The following STK32C variants were observed in gnomAD, a reference collection of about 807,000 sequenced individuals.
STK32C encodes the protein serine/threonine kinase 32C.
In STK32C, 31 loss-of-function variants were observed where a neutral mutation model predicts 56.5. The ratio of observed to expected loss-of-function variants is 0.55; its 90% CI spans 0.41 to 0.74. The LOEUF (loss-of-function observed/expected upper bound fraction) is 0.74, where lower values mean the gene tolerates loss of function less well. Among genes scored for constraint, STK32C ranks in the 30% least tolerant of loss-of-function variants. STK32C has a pLI of 0.00. For missense variants in STK32C, 544 were observed against 676.9 expected (o/e 0.80, Z 2.18); for synonymous variants, 309 against 289.4 (o/e 1.07, Z -0.69).
chr10:132,208,827 C>T (rs758136413), intron 11 of STK32C, among the ~76,000 whole-genome samples: 3 of 152,140 alleles, frequency 2.0e-5, no homozygotes, highest in Admixed American at 6.5e-5. Flanking sequence ...ATTCCAGCCA[C>T]GGGCCCCGCG....
chr10:132,270,206 C>T (rs2064770777), intron 1 of STK32C, among the ~76,000 whole-genome samples: 1 of 152,358 alleles, frequency 6.6e-6, no homozygotes, highest in South Asian at 2.1e-4. Flanking sequence ...CCCCAGTCCC[C>T]GGACCTGTGA....
downstream of STK32C, among the ~76,000 whole-genome samples, chr10:132,321,605 G>A (rs977684791): frequency 2.0e-5 from 3 of 152,180 alleles, no homozygotes; most frequent in Admixed American, 2.0e-4. Context: ...CAAGGTGGGT[G>A]GATGGCTGGA....
chr10:132,321,964 A>C (rs528648307), downstream of STK32C, among the ~76,000 whole-genome samples: 12 of 152,232 alleles, frequency 7.9e-5, no homozygotes, highest in South Asian at 2.3e-3. Context: ...GGGCTGTTGC[A>C]CTTGAGAATT....
intron 2 of STK32C, among the ~76,000 whole-genome samples, chr10:132,238,502 G>A (rs2063377846): frequency 6.6e-6 from 1 of 152,232 alleles, no homozygotes; most frequent in African/African-American, 2.4e-5. Context: ...GGGAAAGCCA[G>A]GTGAGCAGGT....
chr10:132,252,891 C>A (rs1326463755), intron 1 of STK32C, among the ~76,000 whole-genome samples: 1 of 152,222 alleles, frequency 6.6e-6, no homozygotes, highest in Admixed American at 6.5e-5. Flanking sequence ...TCCCAGGTCA[C>A]TCTGGATTCT....
chr10:132,227,874 G>A (rs1037742268), intron 3 of STK32C, 103 bp downstream of exon 3: 78 of 1,434,500 alleles, frequency 5.4e-5, no homozygotes, highest in African/African-American at 8.4e-5. Flanking sequence ...AGGCATCTCC[G>A]AGGCACGAGG....
chr10:132,290,989 C>T (rs1409418075), intron 1 of STK32C, among the ~76,000 whole-genome samples: 1 of 152,226 alleles, frequency 6.6e-6, no homozygotes, highest in Non-Finnish European at 1.5e-5. Flanking sequence ...CTTCCGCTGC[C>T]TTGGCTCTCC....
chr10:132,232,745 C>G lies in STK32C; in HGVS notation c.319-4617G>C, dbSNP rs144610755. On this transcript the variant is annotated intron_variant, in intron 2 of 11. Transcript: ENST00000298630. ...GGGGAGGCCACAACGCCACCCGGAG[C>G]CCTGGGCTTTTCCTATGAAACGCCA... Among the ~76,000 whole-genome samples, 899 of 151,472 alleles carry G rather than the reference C, an allele frequency of 5.9e-3. 7 individuals are homozygous for G. Among genetic ancestry groups the G allele is most frequent in the Middle Eastern group, 0.027 (8 of 294 alleles).
intron 1 of STK32C, among the ~76,000 whole-genome samples, chr10:132,325,603 CG>C (rs529141583): frequency 6.6e-6 from 1 of 151,950 alleles, no homozygotes; most frequent in Non-Finnish European, 1.5e-5. Context: ...TGCTGCCATC[CG>C]GGTAAGACGC....
chr10:132,291,216 T>C (rs2065554073), intron 1 of STK32C, among the ~76,000 whole-genome samples: 1 of 152,234 alleles, frequency 6.6e-6, no homozygotes. Context: ...CATTGCCGTT[T>C]CTTAATTAAA....
downstream of STK32C, among the ~76,000 whole-genome samples, chr10:132,322,606 A>C (rs2066431249): frequency 6.6e-6 from 1 of 152,204 alleles, no homozygotes; most frequent in Non-Finnish European, 1.5e-5. Context: ...ATGCATCTCA[A>C]CCAAATTTCA....
chr10:132,331,683 T>G (rs2066753842), exon 1 of STK32C: 1 of 1,612,656 alleles, frequency 6.2e-7, no homozygotes, highest in African/African-American at 1.3e-5. Context: ...TCGGCTGTCC[T>G]CGAGCAGCCC....
rs12267079 is a variant in STK32C at position 132,272,704 on chromosome 10, G to A, written c.263-26749C>T. 2.7e-3 allele frequency among the ~76,000 whole-genome samples: 407 copies of A among 152,154 alleles called. 1 individual carries two copies. Among genetic ancestry groups the A allele is most frequent in the African/African-American group, 8.7e-3 (362 of 41,492 alleles). ...GCCTGGTCTCCCCGCCTCCACCCTCGCCCTAGAATCTATTCTCAACAAAGC... is the reference window on the plus strand; with the variant it reads ...GCCTGGTCTCCCCGCCTCCACCCTCACCCTAGAATCTATTCTCAACAAAGC... On this transcript the variant is annotated intron_variant, in intron 1 of 11. Coordinates refer to ENST00000298630, the MANE Select transcript of STK32C (RefSeq NM_173575.4).
Position 132,331,603 on chromosome 10 carries a change from G to T in STK32C, c.134C>A (p.Ser45Ter), listed in dbSNP as rs1358263264. The T allele has an allele frequency of 1.2e-6, 2 of 1,612,774 alleles. No homozygotes were observed. The highest frequency in any genetic ancestry group is 3.3e-5 in the Admixed American group (2 of 60,010). ...AAGCCCCAGGAGAGACGCGGGGAGT[G>T]AGCCCAGCGGGAAGGACAGGCAGCG... Residue 45 changes from serine to a stop codon, truncating the protein, a stop_gained, in exon 1 of 2, where the codon TCA becomes TAA. Transcript: ENST00000368619. LOFTEE classifies it high-confidence loss of function.
At position 132,224,446 on chromosome 10, in the gene STK32C, G is replaced by T. The variant is rs1247934433; in HGVS notation, c.954C>A (p.Val318=). 6.4e-7 allele frequency: 1 copy of T among 1,561,372 alleles called. No individual in the cohort carries two copies. The highest frequency in any genetic ancestry group is 1.9e-5 in the Admixed American group (1 of 52,004). The stretch of plus-strand genomic sequence containing the variant: ...CCACCATCTCCTTGGACCACGTGGG[G>T]ACATACTGGACGCTCACGGTGCTGA... ...QLFSTVSVQY[V]PTWSKEMVAL... is the part of the protein sequence containing the mutation. The change falls in exon 8 of 12, where the codon GTC becomes GTA. Residue 318 remains valine (V), a synonymous_variant. Coordinates refer to ENST00000298630, the MANE Select transcript of STK32C (RefSeq NM_173575.4).
intron 1 of STK32C, among the ~76,000 whole-genome samples, chr10:132,318,267 CAA>C (rs200913300): frequency 6.9e-6 from 1 of 144,516 alleles, no homozygotes; most frequent in Non-Finnish European, 1.5e-5. Flanking sequence ...GACTATGTCT[CAA>C]AAAAAAAGAG....
intron 2 of STK32C, among the ~76,000 whole-genome samples, chr10:132,237,175 T>C (rs1329809062): frequency 6.6e-6 from 1 of 150,926 alleles, no homozygotes; most frequent in Non-Finnish European, 1.5e-5. Context: ...TCCCACTCCC[T>C]GACTGTGCTC....
intron 1 of STK32C, among the ~76,000 whole-genome samples, chr10:132,263,135 G>A (rs182450436): frequency 9.0e-4 from 137 of 152,304 alleles, no homozygotes; most frequent in Admixed American, 2.5e-3. Context: ...AAAGACACGC[G>A]CATTCGTGTG....
chr10:132,331,916 ACC>A (rs56274613), upstream of STK32C: 2 of 617,686 alleles, frequency 3.2e-6, no homozygotes, highest in African/African-American at 2.7e-5. Flanking sequence ...GCGCACCACA[ACC>A]CCCCCACCGC....
Sources: allele counts gnomAD v4.1 joint callset (sites outside exome capture counted in the v4.1 genomes callset), GRCh38; gene constraint gnomAD v4.1.1; transcripts MANE v1.5; gene names NCBI Gene and HGNC (gene_info 2026-07-23, HGNC 2026-07-21).